The following TRPC3 variants were observed in gnomAD, a reference collection of about 807,000 sequenced individuals.
The protein encoded by TRPC3 is short transient receptor potential channel 3.
In TRPC3, 54 loss-of-function variants were observed where a neutral mutation model predicts 90.9. That is an observed-to-expected ratio of 0.59 (90% CI 0.48 to 0.75). The LOEUF (loss-of-function observed/expected upper bound fraction) is 0.75. Among genes scored for constraint, TRPC3 ranks in the 30% least tolerant of loss-of-function variants. The probability of loss-of-function intolerance (pLI) is 0.00; values close to 1 mark genes in which losing one functional copy is unlikely to be tolerated. For synonymous variants in TRPC3, 424 were observed against 450.9 expected (o/e 0.94, Z 0.75); for missense variants, 918 against 1,194.5 (o/e 0.77, Z 3.41).
rs1224813581 is a variant in TRPC3, at chr4:121,874,513, A to C, written c.*5223T>G. 4.6e-5 allele frequency among the ~76,000 whole-genome samples: 7 copies of C among 152,166 alleles called. No homozygotes were observed. Among genetic ancestry groups the C allele is most frequent in the Admixed American group, 4.6e-4 (7 of 15,276 alleles). On this transcript the variant is annotated 3_prime_UTR_variant, in exon 12 of 12. Transcript: ENST00000379645. Reference sequence around the variant, plus strand: ...CAACAACAGAAATTTATTTTCTCACAGTCTTGGAGTCTAGAAGTCATAGAT... The same window carrying C: ...CAACAACAGAAATTTATTTTCTCACCGTCTTGGAGTCTAGAAGTCATAGAT...
At chr4:121,880,876 T>C (rs1727918084) in intron 11 of TRPC3, among the ~76,000 whole-genome samples, 1 of 152,056 alleles carries the variant, frequency 6.6e-6, no homozygotes, top group Admixed American at 6.6e-5. Context: ...ATTCTTCTAT[T>C]ATATAAAAGT....
chr4:121,950,241 G>A (rs1197362487), intron 1 of TRPC3, among the ~76,000 whole-genome samples: 1 of 152,210 alleles, frequency 6.6e-6, no homozygotes, highest in African/African-American at 2.4e-5. Context: ...TCTACCGGCA[G>A]GTCCAGCCTG....
intron 7 of TRPC3, 123 bp from the exon 8 acceptor site, chr4:121,904,640 C>A: frequency 1.8e-6 from 1 of 562,430 alleles, no homozygotes; most frequent in Non-Finnish European, 2.9e-6. Flanking sequence ...TAATATACTC[C>A]AAGAGCAGGA....
intron 1 of TRPC3, among the ~76,000 whole-genome samples, chr4:121,945,845 T>C (rs947341563): frequency 6.6e-6 from 1 of 152,182 alleles, no homozygotes; most frequent in Non-Finnish European, 1.5e-5. Context: ...GCCAGGTTTA[T>C]TATTTCCTAA....
intron 10 of TRPC3, among the ~76,000 whole-genome samples, chr4:121,888,477 T>C (rs991854575): frequency 2.0e-5 from 3 of 152,196 alleles, no homozygotes; most frequent in African/African-American, 7.2e-5. Context: ...AAAAATATTC[T>C]GAGTTGTGAT....
At chr4:121,943,079 T>C (rs930520097) in intron 1 of TRPC3, among the ~76,000 whole-genome samples, 2 of 152,202 alleles carry the variant, frequency 1.3e-5, no homozygotes, top group Non-Finnish European at 2.9e-5. Context: ...TTCATCTCCA[T>C]ATGCTTGGCT....
chr4:121,930,256 A>G (rs1227958465), intron 2 of TRPC3, among the ~76,000 whole-genome samples: 2 of 152,226 alleles, frequency 1.3e-5, no homozygotes, highest in Non-Finnish European at 2.9e-5. Context: ...CTATCTTGCT[A>G]CACAAGCACT....
chr4:121,878,307 T>C lies in TRPC3; in HGVS notation c.*1429A>G, dbSNP rs908796238. Among the ~76,000 whole-genome samples the C allele has an allele frequency of 1.3e-5, 2 of 152,256 alleles. No individual in the cohort carries two copies. Among genetic ancestry groups the C allele is most frequent in the Non-Finnish European group, 2.9e-5 (2 of 68,042 alleles). ...TTTATGTAGTTCCATTTAACACTTA[T>C]TTCTGTCTTCATGTCTAAAGAGCTT... On this transcript the variant is annotated 3_prime_UTR_variant, in exon 12 of 12. Transcript: ENST00000379645.
chr4:121,920,190 A>G (rs1729454326), intron 3 of TRPC3, among the ~76,000 whole-genome samples: 3 of 152,144 alleles, frequency 2.0e-5, no homozygotes, highest in Admixed American at 6.5e-5. Flanking sequence ...AGTGTTCACT[A>G]TCCTTCCAGT....
chr4:121,890,704 T>G (rs970284002), intron 10 of TRPC3, among the ~76,000 whole-genome samples: 1 of 152,110 alleles, frequency 6.6e-6, no homozygotes, highest in Admixed American at 6.6e-5. Flanking sequence ...TGAAAGGCCA[T>G]AGTGTGGCCA....
chr4:121,902,751 C>A, intron 9 of TRPC3, 101 bp downstream of exon 9: 1 of 884,546 alleles, frequency 1.1e-6, no homozygotes, highest in Non-Finnish European at 1.7e-6. Flanking sequence ...CTTTTAACAT[C>A]TTCTAAGTTC....
At position 121,912,044 on chromosome 4, in the gene TRPC3, G is replaced by C. The variant is rs1423410125; in HGVS notation, c.1391C>G (p.Ala464Gly). ...CAGACCCAGGAAGATGATGAAAGAA[G>C]CTGCATGTGCTACAAACTTCATAAA... is the stretch of plus-strand genomic sequence containing the variant. ...SPFMKFVAHA[A>G]SFIIFLGLLV... The change falls in exon 5 of 12, where the codon GCT (alanine) becomes GGT (glycine). Residue 464 changes from alanine (A) to glycine (G), a missense_variant. Coordinates refer to ENST00000379645, the MANE Select transcript of TRPC3 (RefSeq NM_001130698.2). 6.2e-7 allele frequency: 1 copy of C among 1,613,770 alleles called. No homozygotes were observed. The highest frequency in any genetic ancestry group is 1.7e-5 in the Admixed American group (1 of 59,940).
chr4:121,882,050 C>T (rs1207222167), intron 11 of TRPC3, among the ~76,000 whole-genome samples: 2 of 152,066 alleles, frequency 1.3e-5, no homozygotes, highest in Non-Finnish European at 2.9e-5. Flanking sequence ...GAAAATGTAA[C>T]CAATACTTAC....
Position 121,925,050 on chromosome 4 carries a change from C to T in TRPC3, c.1144G>A (p.Val382Ile), listed in dbSNP as rs1210296759. 2.5e-6 allele frequency: 4 copies of T among 1,613,028 alleles called. 1 individual carries two copies. In the African/African-American group the frequency reaches 4.0e-5, roughly 16 times the overall value. ...VHRHKASLSR[V>I]KLAIKYEVKK... ...ACTTCATACTTAATGGCAAGTTTGACACGACTTAATGAAGCTTTGTGCCTG... is the reference window on the plus strand; with the variant it reads ...ACTTCATACTTAATGGCAAGTTTGATACGACTTAATGAAGCTTTGTGCCTG... The change falls in exon 3 of 12, where the codon GTC becomes ATC. Residue 382 changes from valine (V) to isoleucine (I), a missense_variant. Val to Ile is a conservative substitution (Grantham distance 29). Coordinates refer to ENST00000379645, the MANE Select transcript of TRPC3 (RefSeq NM_001130698.2).
intron 5 of TRPC3, 78 bp from the exon 6 acceptor site, chr4:121,910,465 G>T: frequency 1.8e-6 from 2 of 1,121,038 alleles, no homozygotes; most frequent in Non-Finnish European, 1.3e-6. Context: ...CCACCATCAG[G>T]TCACATCTCT....
intron 1 of TRPC3, among the ~76,000 whole-genome samples, chr4:121,934,768 C>T (rs1730070489): frequency 6.6e-6 from 1 of 151,996 alleles, no homozygotes; most frequent in African/African-American, 2.4e-5. Flanking sequence ...TCTGAGGGCC[C>T]CAAACAGAGA....
At chr4:121,913,465 C>T (rs774511665) in intron 4 of TRPC3, among the ~76,000 whole-genome samples, 22 of 152,152 alleles carry the variant, frequency 1.4e-4, no homozygotes, top group Non-Finnish European at 2.8e-4. Context: ...CTCTGCAGAG[C>T]ATGCCACACT....
chr4:121,943,534 T>C (rs1730390656), intron 1 of TRPC3, among the ~76,000 whole-genome samples: 3 of 152,130 alleles, frequency 2.0e-5, no homozygotes, highest in African/African-American at 7.2e-5. Flanking sequence ...CTCAAACTCA[T>C]CTTCACAATG....
chr4:121,911,278 T>C (rs917362398), intron 5 of TRPC3, among the ~76,000 whole-genome samples: 4 of 152,156 alleles, frequency 2.6e-5, no homozygotes, highest in African/African-American at 9.7e-5. Flanking sequence ...CTGGTTCCAA[T>C]CTCCATTTCT....
Sources: gnomAD v4.1 joint callset for allele counts (sites outside exome capture counted in the v4.1 genomes callset) on GRCh38, gnomAD v4.1.1 for gene constraint, MANE v1.5 for transcripts, NCBI Gene and HGNC (gene_info 2026-07-23, HGNC 2026-07-21) for gene names.